Variants in STYXL2 observed in about 807,000 individuals in gnomAD.
STYXL2 encodes serine/threonine/tyrosine interacting like 2.
Under a neutral mutation model 52.4 loss-of-function variants are expected in STYXL2, and 44 were observed. That is an observed-to-expected ratio of 0.84 (90% CI 0.66 to 1.08). The LOEUF (loss-of-function observed/expected upper bound fraction) is 1.08, where lower values mean the gene tolerates loss of function less well. STYXL2 is among the 50% of genes least tolerant of loss of function. The pLI, the probability that STYXL2 is intolerant of heterozygous loss-of-function variation, is 0.00. For missense variants in STYXL2, 1,604 were observed against 1,471.7 expected (o/e 1.09, Z -1.47); for synonymous variants, 604 against 586.9 (o/e 1.03, Z -0.42).
chr1:167,102,619 A>G (rs1667425637), intron 2 of STYXL2, among the ~76,000 whole-genome samples: 1 of 152,210 alleles, frequency 6.6e-6, no homozygotes, highest in South Asian at 2.1e-4. Flanking sequence ...ATGTCAAGAA[A>G]TTTTTATTTA....
chr1:167,094,736 C>T (rs1667244152), intron 1 of STYXL2, 98 bp from the exon 2 acceptor site: 1 of 807,498 alleles, frequency 1.2e-6, no homozygotes, highest in Admixed American at 2.2e-5. Context: ...CCTTCCTAGT[C>T]CTAGTTCCAC....
chr1:167,105,187 T>A (rs1248427644), intron 2 of STYXL2, among the ~76,000 whole-genome samples: 1 of 152,014 alleles, frequency 6.6e-6, no homozygotes, highest in Non-Finnish European at 1.5e-5. Flanking sequence ...GTTTCCTTTT[T>A]TCCTTTCTGT....
chr1:167,109,067 G>A (rs1232235790), intron 2 of STYXL2, among the ~76,000 whole-genome samples: 2 of 152,334 alleles, frequency 1.3e-5, no homozygotes, highest in South Asian at 4.1e-4. Context: ...GGGGTCCTTG[G>A]GGAGGGCAGC....
At chr1:167,111,018 C>G (rs1277099823) in intron 2 of STYXL2, among the ~76,000 whole-genome samples, 1 of 152,110 alleles carries the variant, frequency 6.6e-6, no homozygotes, top group Non-Finnish European at 1.5e-5. Context: ...TTTCCTAACA[C>G]CAGGTTTTCA....
chr1:167,105,991 G>A lies in STYXL2; in HGVS notation c.111-7719G>A, dbSNP rs137869798. Among the ~76,000 whole-genome samples, 868 of 152,292 alleles carry A rather than the reference G, an allele frequency of 5.7e-3. 8 individuals carry two copies. Among genetic ancestry groups the A allele is most frequent in the African/African-American group, 0.019 (808 of 41,560 alleles). ...TCACGTATGATTTCTCAGGTTTGCT[G>A]ACTCATTAGCCGAACTTCAATCTTT... On this transcript the variant is annotated intron_variant, in intron 2 of 5. Transcript: ENST00000361200.
At position 167,127,104 on chromosome 1, in the gene STYXL2, C is replaced by T; in HGVS notation, c.1973C>T (p.Pro658Leu). Residue 658 changes from proline to leucine, a missense_variant, in exon 6 of 6, where the codon CCC (proline) becomes CTC (leucine). By Grantham distance (98) the Pro-to-Leu change is moderately conservative. Transcript: ENST00000361200. ...AGCTCCACGGCCAGCGGGAGCATTC[C>T]CCTGTCTGCGTTCTGGTCTGCAGAC... is the stretch of plus-strand genomic sequence containing the variant. Reference protein sequence around the residue: ...ADSSTASGSIPLSAFWSADPS... With the variant: ...ADSSTASGSILLSAFWSADPS... 1 of 1,613,916 alleles carries T rather than the reference C, an allele frequency of 6.2e-7. No individual in the cohort carries two copies. The highest frequency in any genetic ancestry group is 1.1e-5 in the South Asian group (1 of 91,042).
rs1047972383 is a variant in STYXL2 at position 167,101,006 on chromosome 1, C to T, written c.110+6047C>T. 2.6e-5 allele frequency among the ~76,000 whole-genome samples: 4 copies of T among 152,162 alleles called. No homozygotes were observed. The South Asian group carries it at 8.3e-4, about 32-fold the overall frequency. On this transcript the variant is annotated intron_variant, in intron 2 of 5. Coordinates refer to ENST00000361200, the MANE Select transcript of STYXL2 (RefSeq NM_001080426.3). ...CCTAAACCAGTTCAGATGAATGAGT[C>T]TACAGTGCTTTTTAAAAAATGAAAA...
At chr1:167,106,639 C>T (rs574521288) in intron 2 of STYXL2, among the ~76,000 whole-genome samples, 7 of 152,268 alleles carry the variant, frequency 4.6e-5, no homozygotes, top group Admixed American at 3.9e-4. Context: ...TGACTGCTCA[C>T]ATTTATATAA....
intron 2 of STYXL2, among the ~76,000 whole-genome samples, chr1:167,101,430 A>T (rs1667400830): frequency 6.6e-6 from 1 of 152,192 alleles, no homozygotes; most frequent in South Asian, 2.1e-4. Context: ...ACAAAATTAA[A>T]CATACATCTA....
Position 167,094,828 on chromosome 1 carries a change from T to G in STYXL2, c.-16-6T>G. On this transcript the variant is annotated splice_region_variant and splice_polypyrimidine_tract_variant and intron_variant, in intron 1 of 5. Coordinates refer to ENST00000361200, the MANE Select transcript of STYXL2 (RefSeq NM_001080426.3). The stretch of plus-strand genomic sequence containing the variant: ...CCTAACTGCCTTTTTCTTGCCAAAC[T>G]TTCAGAGGTTGGCAGGTTGTCATGG... 6.2e-7 allele frequency: 1 copy of G among 1,601,726 alleles called. No individual in the cohort carries two copies. The highest frequency in any genetic ancestry group is 8.5e-7 in the Non-Finnish European group (1 of 1,172,440).
chr1:167,119,136 G>A, intron 4 of STYXL2, 113 bp from the exon 5 acceptor site: 2 of 894,844 alleles, frequency 2.2e-6, no homozygotes, highest in Non-Finnish European at 1.8e-6. Flanking sequence ...GGCAGAAAAG[G>A]AGGCACTTGC....
chr1:167,103,660 G>A (rs1667446568), intron 2 of STYXL2, among the ~76,000 whole-genome samples: 1 of 152,112 alleles, frequency 6.6e-6, no homozygotes, highest in Non-Finnish European at 1.5e-5. Context: ...AAGAAAATGG[G>A]CGGTTAGAGA....
intron 2 of STYXL2, among the ~76,000 whole-genome samples, chr1:167,102,665 C>T (rs371539653): frequency 1.3e-5 from 2 of 152,148 alleles, no homozygotes; most frequent in African/African-American, 4.8e-5. Flanking sequence ...AGACATCATG[C>T]TTCTCTAATT....
intron 2 of STYXL2, among the ~76,000 whole-genome samples, chr1:167,098,351 C>T (rs565743355): frequency 6.6e-6 from 1 of 152,112 alleles, no homozygotes; most frequent in African/African-American, 2.4e-5. Context: ...TTTCACATGC[C>T]TGTAGCCTCA....
chr1:167,125,983 G>A lies in STYXL2; in HGVS notation c.852G>A (p.Glu284=), dbSNP rs1162057789. Reference sequence around the variant, plus strand: ...AGAAGTTGATGGAGGAGAGAGAAGAGGACTATGGCCGGGAGGGGGGATCAG... The same window carrying A: ...AGAAGTTGATGGAGGAGAGAGAAGAAGACTATGGCCGGGAGGGGGGATCAG... ...LNEKLMEERE[E]DYGREGGSAE... The change falls in exon 6 of 6, where the codon GAG becomes GAA. Residue 284 remains glutamate (E), a synonymous_variant. Transcript: ENST00000361200. 4 of 1,612,850 alleles carry A rather than the reference G, an allele frequency of 2.5e-6. No individual in the cohort carries two copies. The South Asian group carries it at 4.4e-5, about 18-fold the overall frequency.
At chr1:167,115,306 C>T (rs73031158) in intron 3 of STYXL2, among the ~76,000 whole-genome samples, 2,068 of 152,204 alleles carry the variant, frequency 0.014, 40 homozygotes, top group African/African-American at 0.047. Flanking sequence ...GAAAACCTTC[C>T]GTTTTAATGA....
rs910619463 is a variant in STYXL2, at chr1:167,099,454, A to G, written c.110+4495A>G. On this transcript the variant is annotated intron_variant, in intron 2 of 5. Coordinates refer to ENST00000361200, the MANE Select transcript of STYXL2 (RefSeq NM_001080426.3). Reference sequence around the variant, plus strand: ...AAATAGATCATATACTGGGCCATACATATATCAACCAATGTTTAGTGATTG... The same window carrying G: ...AAATAGATCATATACTGGGCCATACGTATATCAACCAATGTTTAGTGATTG... Among the ~76,000 whole-genome samples the G allele has an allele frequency of 3.3e-5, 5 of 152,242 alleles. No homozygotes were observed. In the East Asian group the frequency reaches 9.6e-4, roughly 29 times the overall value.
At chr1:167,123,755 C>G (rs547202498) in intron 5 of STYXL2, among the ~76,000 whole-genome samples, 1 of 152,320 alleles carries the variant, frequency 6.6e-6, no homozygotes, top group African/African-American at 2.4e-5. Context: ...TCCCGAATAG[C>G]TGGAATTACA....
In STYXL2 at chr1:167,127,545, T is replaced by C. The variant is rs1195942113; in HGVS notation, c.2414T>C (p.Leu805Pro). ...MQSVLSCNTT[L>P]SSPAESCRSK... ...TCTGTGCTGTCCTGCAACACCACAC[T>C]GAGCTCACCCGCGGAAAGTTGCAGA... Residue 805 changes from leucine to proline, a missense_variant, in exon 6 of 6, where the codon CTG becomes CCG. Transcript: ENST00000361200. 2.0e-5 allele frequency: 32 copies of C among 1,614,034 alleles called. No homozygotes were observed. The highest frequency in any genetic ancestry group is 2.5e-5 in the Non-Finnish European group (30 of 1,179,978).
Sources: gnomAD v4.1 joint callset for allele counts (sites outside exome capture counted in the v4.1 genomes callset) on GRCh38, gnomAD v4.1.1 for gene constraint, MANE v1.5 for transcripts, NCBI Gene and HGNC (gene_info 2026-07-23, HGNC 2026-07-21) for gene names.